GRIK2: variants seen among roughly 807,000 people sequenced by gnomAD.
GRIK2 encodes glutamate receptor ionotropic, kainate 2.
Under a neutral mutation model 100.3 loss-of-function variants are expected in GRIK2, and 32 were observed. The ratio of observed to expected loss-of-function variants is 0.32; its 90% CI spans 0.24 to 0.43. GRIK2 has a LOEUF of 0.43. Among genes scored for constraint, GRIK2 ranks in the 20% least tolerant of loss-of-function variants. The pLI, the probability that GRIK2 is intolerant of heterozygous loss-of-function variation, is 1.00. For missense variants in GRIK2, 843 were observed against 1,114.9 expected (o/e 0.76, Z 3.47); for synonymous variants, 417 against 389.4 (o/e 1.07, Z -0.83).
chr6:101,594,912 T>C (rs1040485130), intron 2 of GRIK2, among the ~76,000 whole-genome samples: 6 of 151,744 alleles, frequency 4.0e-5, no homozygotes, highest in African/African-American at 1.4e-4. Flanking sequence ...TTTTATACTT[T>C]AAGGGAGAAT....
intron 14 of GRIK2, among the ~76,000 whole-genome samples, chr6:101,958,746 T>C (rs1159789764): frequency 1.3e-5 from 2 of 152,068 alleles, no homozygotes. Context: ...GGGTGCTGAA[T>C]TTTATAAAAT....
intron 10 of GRIK2, among the ~76,000 whole-genome samples, chr6:101,835,590 C>A (rs116332822): frequency 6.7e-6 from 1 of 149,888 alleles, no homozygotes; most frequent in Non-Finnish European, 1.5e-5. Context: ...CATGCCTCAG[C>A]CCCCCGAGCA....
intron 7 of GRIK2, among the ~76,000 whole-genome samples, chr6:101,775,743 CAT>C (rs1410784789): frequency 1.3e-5 from 2 of 150,458 alleles, no homozygotes; most frequent in African/African-American, 2.4e-5. Context: ...CAGATTTCTT[CAT>C]ATATATATGG....
chr6:101,968,087 A>G (rs1212251420), intron 14 of GRIK2, among the ~76,000 whole-genome samples: 1 of 151,986 alleles, frequency 6.6e-6, no homozygotes, highest in Non-Finnish European at 1.5e-5. Context: ...CAGTAATACA[A>G]TTTATTTGGC....
At chr6:101,672,875 C>T (rs537245360) in intron 4 of GRIK2, among the ~76,000 whole-genome samples, 2 of 152,158 alleles carry the variant, frequency 1.3e-5, no homozygotes, top group East Asian at 1.9e-4. Flanking sequence ...AATAGTGCTG[C>T]GATGAACATA....
intron 5 of GRIK2, among the ~76,000 whole-genome samples, chr6:101,679,892 C>A (rs1771115368): frequency 1.3e-5 from 2 of 152,118 alleles, no homozygotes; most frequent in Non-Finnish European, 2.9e-5. Flanking sequence ...GCAGCTGCCA[C>A]CACGCCCAGC....
chr6:101,854,113 C>T (rs1035240623), intron 10 of GRIK2, among the ~76,000 whole-genome samples: 5 of 152,112 alleles, frequency 3.3e-5, no homozygotes, highest in South Asian at 2.1e-4. Context: ...AGTGAATGTT[C>T]GTCTGTTGTG....
At chr6:102,031,302 T>C (rs1769987540) in intron 14 of GRIK2, among the ~76,000 whole-genome samples, 1 of 151,210 alleles carries the variant, frequency 6.6e-6, no homozygotes, top group South Asian at 2.1e-4. Context: ...ATCTGCTTCA[T>C]AATTGCCTTC....
At chr6:101,486,086 G>A (rs918396178) in intron 2 of GRIK2, among the ~76,000 whole-genome samples, 1 of 152,052 alleles carries the variant, frequency 6.6e-6, no homozygotes, top group African/African-American at 2.4e-5. Context: ...GTGAGCCTTA[G>A]TCTCATGTCA....
At chr6:101,724,304 A>G (rs1465638957) in intron 7 of GRIK2, among the ~76,000 whole-genome samples, 2 of 151,902 alleles carry the variant, frequency 1.3e-5, no homozygotes, top group African/African-American at 2.4e-5. Flanking sequence ...GATAGTAAAC[A>G]TAGTATCCAA....
At chr6:101,524,025 T>C (rs578020776) in intron 2 of GRIK2, among the ~76,000 whole-genome samples, 1 of 152,310 alleles carries the variant, frequency 6.6e-6, no homozygotes, top group South Asian at 2.1e-4. Context: ...CCCAGCTGAT[T>C]CCTAGGTCTT....
chr6:101,623,502 G>A (rs185564993), intron 3 of GRIK2, among the ~76,000 whole-genome samples: 2 of 152,038 alleles, frequency 1.3e-5, no homozygotes, highest in Non-Finnish European at 2.9e-5. Flanking sequence ...AAGAAGTTCT[G>A]CCTCTAATGA....
chr6:101,451,856 T>C (rs1770711452), intron 2 of GRIK2, among the ~76,000 whole-genome samples: 2 of 151,744 alleles, frequency 1.3e-5, no homozygotes, highest in African/African-American at 4.8e-5. Flanking sequence ...ACTTATTTTA[T>C]ATTATTTCAC....
chr6:101,836,659 A>ATTTTTTTTTT lies in GRIK2; in HGVS notation c.1317+18177_1317+18178insTTTTTTTTTT, dbSNP rs1239661989. ...TATGTATGTGTATATATATATATATATATTTTTTTTTTTTTTTTTTTTTTG... is the reference window on the plus strand; with the variant it reads ...TATGTATGTGTATATATATATATATATTTTTTTTTTTATTTTTTTTTTTTTTTTTTTTTTG... On this transcript the variant is annotated intron_variant, in intron 10 of 16. Coordinates refer to ENST00000369134, the MANE Select transcript of GRIK2 (RefSeq NM_021956.5). Among the ~76,000 whole-genome samples the ATTTTTTTTTT allele has an allele frequency of 3.2e-4, 19 of 60,224 alleles. 2 individuals are homozygous for ATTTTTTTTTT. Among genetic ancestry groups the ATTTTTTTTTT allele is most frequent in the Admixed American group, 5.1e-4 (2 of 3,884 alleles). The allele number at this position is 60,224 out of a possible 152,430, so 39.5% of individuals were successfully genotyped here.
intron 12 of GRIK2, among the ~76,000 whole-genome samples, chr6:101,897,762 G>C (rs903080759): frequency 5.9e-5 from 9 of 151,836 alleles, no homozygotes; most frequent in African/African-American, 1.9e-4. Flanking sequence ...CTTTCATTCT[G>C]TATGTCTTAA....
chr6:101,400,580 A>C (rs1205001109), intron 2 of GRIK2, among the ~76,000 whole-genome samples: 2 of 152,210 alleles, frequency 1.3e-5, no homozygotes, highest in East Asian at 3.8e-4. Context: ...CAGACACATT[A>C]AGTCACTCGG....
At chr6:101,801,222 T>C (rs978890548) in intron 8 of GRIK2, among the ~76,000 whole-genome samples, 3 of 152,074 alleles carry the variant, frequency 2.0e-5, no homozygotes, top group Admixed American at 6.6e-5. Context: ...TTCTTGATCT[T>C]TTTGTTTACT....
At chr6:101,793,270 G>T (rs1225800127) in intron 7 of GRIK2, among the ~76,000 whole-genome samples, 2 of 152,180 alleles carry the variant, frequency 1.3e-5, no homozygotes, top group Non-Finnish European at 2.9e-5. Context: ...TTCCTTTGGA[G>T]GAGGAGAGGT....
In GRIK2 at chr6:101,644,245, A is replaced by G. The variant is rs187978457; in HGVS notation, c.541+17608A>G. Among the ~76,000 whole-genome samples, 400 of 151,964 alleles carry G rather than the reference A, an allele frequency of 2.6e-3. 1 individual carries two copies. The highest frequency in any genetic ancestry group is 9.3e-3 in the African/African-American group (387 of 41,542). ...GGCAAACTGGAAGTTGAAATCAAGG[A>G]GATCCAGTTGGTTGGAGAACTAAAC... is the stretch of plus-strand genomic sequence containing the variant. On this transcript the variant is annotated intron_variant, in intron 4 of 16. Coordinates refer to ENST00000369134, the MANE Select transcript of GRIK2 (RefSeq NM_021956.5).
Sources: gnomAD v4.1 joint callset for allele counts (sites outside exome capture counted in the v4.1 genomes callset) on GRCh38, gnomAD v4.1.1 for gene constraint, MANE v1.5 for transcripts, NCBI Gene and HGNC (gene_info 2026-07-23, HGNC 2026-07-21) for gene names.